TRHDE: variants seen among roughly 807,000 people sequenced by gnomAD.
TRHDE encodes thyrotropin-releasing hormone-degrading ectoenzyme.
TRHDE carries 72 observed loss-of-function variants against 125.7 expected under a neutral mutation model. That is an observed-to-expected ratio of 0.57 (90% confidence interval 0.47 to 0.70). The LOEUF is 0.70. TRHDE is among the 30% of genes least tolerant of loss of function. TRHDE has a pLI of 0.00. For synonymous variants in TRHDE, 509 were observed against 509.1 expected (o/e 1.00, Z 0.00); for missense variants, 1,110 against 1,327.1 (o/e 0.84, Z 2.54).
chr12:72,403,282 A>T (rs1256754078), intron 3 of TRHDE, among the ~76,000 whole-genome samples: 1 of 152,222 alleles, frequency 6.6e-6, no homozygotes, highest in Non-Finnish European at 1.5e-5. Flanking sequence ...CTGAGTCTTG[A>T]AGAATGAAGG....
chr12:72,553,703 A>G (rs1869782771), intron 7 of TRHDE, among the ~76,000 whole-genome samples: 1 of 151,600 alleles, frequency 6.6e-6, no homozygotes, highest in South Asian at 2.1e-4. Flanking sequence ...TTTGTTCTTA[A>G]TTTTTCTTTT....
intron 2 of TRHDE, among the ~76,000 whole-genome samples, chr12:72,128,837 A>T (rs557382093): frequency 3.3e-5 from 5 of 152,300 alleles, no homozygotes; most frequent in Non-Finnish European, 5.9e-5. Flanking sequence ...TCTCTAAAGT[A>T]AACAGGGGTG....
At position 72,273,777 on chromosome 12, in the gene TRHDE, A is replaced by G. The variant is rs1592511661; in HGVS notation, c.914+220A>G. ...CTTCGCAAACTGACTCACCGGTGCC[A>G]AAAGATGAATGCTGCCCCCTCCTCT... On this transcript the variant is annotated intron_variant, in intron 1 of 18. Transcript: ENST00000261180. The surrounding 1 kb of genome is among the most constrained non-coding windows in gnomAD (Gnocchi z 5.3). 1 of 548,044 alleles carries G rather than the reference A, an allele frequency of 1.8e-6. No homozygotes were observed. Among genetic ancestry groups the G allele is most frequent in the Non-Finnish European group, 3.3e-6 (1 of 307,128 alleles). The allele number at this position is 548,044 out of a possible 1,614,324, so 33.9% of individuals were successfully genotyped here. A position where few individuals can be genotyped will look rare whatever the true frequency, so the allele number is the denominator to read the frequency against.
At chr12:72,597,691 GTA>G (rs200311744) in intron 12 of TRHDE, among the ~76,000 whole-genome samples, 18,732 of 58,594 alleles carry the variant, frequency 0.32, 4,453 homozygotes, top group East Asian at 0.63. Flanking sequence ...ACTAAGAGAG[GTA>G]TATATATGTG....
At chr12:72,523,230 A>C (rs903100457) in intron 6 of TRHDE, among the ~76,000 whole-genome samples, 16 of 152,078 alleles carry the variant, frequency 1.1e-4, no homozygotes, top group Non-Finnish European at 2.2e-4. Context: ...TTAAATCATA[A>C]GAAAGTTAAG....
chr12:72,105,318 A>G (rs556783521), intron 1 of TRHDE, among the ~76,000 whole-genome samples: 4 of 152,296 alleles, frequency 2.6e-5, no homozygotes, highest in African/African-American at 9.6e-5. Flanking sequence ...GAGAGATCAC[A>G]GAGAAAAGAG....
chr12:72,466,385 G>A (rs989313415), intron 3 of TRHDE, among the ~76,000 whole-genome samples: 2 of 152,090 alleles, frequency 1.3e-5, no homozygotes, highest in African/African-American at 4.8e-5. Flanking sequence ...TTATGGAATT[G>A]CCTCTACTTT....
At chr12:72,519,987 A>G (rs1214910) in intron 6 of TRHDE, among the ~76,000 whole-genome samples, 43,657 of 152,142 alleles carry the variant, frequency 0.29, 7,754 homozygotes, top group South Asian at 0.41. Context: ...TTCAGGAGGC[A>G]GTCTGCCCGT....
intron 2 of TRHDE, among the ~76,000 whole-genome samples, chr12:72,316,863 T>C (rs1868827815): frequency 6.6e-6 from 1 of 152,194 alleles, no homozygotes; most frequent in South Asian, 2.1e-4. Flanking sequence ...ATAAGTTACA[T>C]GATTATCTTG....
intron 2 of TRHDE, among the ~76,000 whole-genome samples, chr12:72,110,334 C>T (rs1252686508): frequency 6.6e-6 from 1 of 152,050 alleles, no homozygotes; most frequent in Non-Finnish European, 1.5e-5. Flanking sequence ...TGAGATAAGG[C>T]CTCCCTTTAC....
chr12:72,641,051 C>A (rs1229239439), intron 15 of TRHDE, among the ~76,000 whole-genome samples: 1 of 152,128 alleles, frequency 6.6e-6, no homozygotes, highest in East Asian at 1.9e-4. Context: ...ATGTGTTTAT[C>A]CCTGTCCAAT....
chr12:72,383,370 A>ATTTTT (rs552559387), intron 3 of TRHDE, among the ~76,000 whole-genome samples: 173 of 100,860 alleles, frequency 1.7e-3, no homozygotes, highest in Non-Finnish European at 2.2e-3. Context: ...AACCCATTTA[A>ATTTTT]TTTTTTTTTT....
intron 5 of TRHDE, among the ~76,000 whole-genome samples, chr12:72,477,791 G>A (rs112511351): frequency 1.1e-4 from 17 of 152,246 alleles, no homozygotes; most frequent in African/African-American, 3.6e-4. Context: ...TTAAAGATCT[G>A]GTGCCGATGC....
rs1879165971 is a variant in TRHDE, at chr12:72,520,957, G to A, written c.1722+21322G>A. ...TTCCCAGAGTTTTACCAGATATCAT[G>A]CAATTTAAACTTTAAGCTGAAAGAT... On this transcript the variant is annotated intron_variant, in intron 6 of 18. Transcript: ENST00000261180. Among the ~76,000 whole-genome samples the A allele has an allele frequency of 2.0e-5, 3 of 152,120 alleles. No homozygotes were observed. In the South Asian group the frequency reaches 6.2e-4, roughly 32 times the overall value.
intron 5 of TRHDE, among the ~76,000 whole-genome samples, chr12:72,497,024 T>C (rs375596790): frequency 7.9e-5 from 12 of 152,274 alleles, no homozygotes; most frequent in African/African-American, 2.9e-4. Flanking sequence ...TTGTGGGTGT[T>C]CTCCTGCCAG....
rs112108951 is a variant in TRHDE at position 72,309,456 on chromosome 12, A to T, written c.1188+22502A>T. On this transcript the variant is annotated intron_variant, in intron 2 of 18. Coordinates refer to ENST00000261180, the MANE Select transcript of TRHDE (RefSeq NM_013381.3). ...ATGAAAGAGGGTCCCCAGAGAGATG[A>T]GAGGGGCTGGGGTAAAAAGCACAAT... is the stretch of plus-strand genomic sequence containing the variant. Among the ~76,000 whole-genome samples the T allele has an allele frequency of 3.8e-3, 579 of 152,226 alleles. 2 individuals are homozygous for T. Among genetic ancestry groups the T allele is most frequent in the Non-Finnish European group, 5.3e-3 (359 of 68,014 alleles).
intron 2 of TRHDE, among the ~76,000 whole-genome samples, chr12:72,239,147 G>A (rs1878423387): frequency 6.6e-6 from 1 of 152,176 alleles, no homozygotes; most frequent in African/African-American, 2.4e-5. Flanking sequence ...GGCCAGTGAT[G>A]ATGAGCATTT....
intron 2 of TRHDE, among the ~76,000 whole-genome samples, chr12:72,305,823 C>T (rs993769209): frequency 2.6e-5 from 4 of 152,156 alleles, no homozygotes; most frequent in African/African-American, 9.7e-5. Flanking sequence ...TGATTCTGTG[C>T]CTAAAACGTG....
chr12:72,455,314 A>G (rs955870540), intron 3 of TRHDE, among the ~76,000 whole-genome samples: 9 of 152,228 alleles, frequency 5.9e-5, no homozygotes, highest in Non-Finnish European at 8.8e-5. Flanking sequence ...TCTTTGTAAT[A>G]TAATGATAAC....
Sources: allele counts gnomAD v4.1 joint callset (sites outside exome capture counted in the v4.1 genomes callset), GRCh38; gene constraint gnomAD v4.1.1; non-coding constraint Gnocchi (gnomAD v3.1); transcripts MANE v1.5; gene names NCBI Gene and HGNC (gene_info 2026-07-23, HGNC 2026-07-21).